Variants in STK39 observed in about 807,000 individuals in gnomAD.
The protein encoded by STK39 is STE20/SPS1-related proline-alanine-rich protein kinase.
A neutral mutation model predicts 77.8 loss-of-function variants in STK39; 20 were observed. That is an observed-to-expected ratio of 0.26 (90% CI 0.18 to 0.37). The LOEUF is 0.37. STK39 is among the 10% of genes least tolerant of loss of function. STK39 has a pLI of 1.00. For missense variants in STK39, 479 were observed against 656.5 expected, an observed-to-expected ratio of 0.73 and a Z score of 2.95; for synonymous variants, 246 against 234.1, an observed-to-expected ratio of 1.05 and a Z score of -0.47.
intron 14 of STK39, among the ~76,000 whole-genome samples, chr2:168,055,464 G>C (rs1321075887): frequency 1.3e-5 from 2 of 152,228 alleles, no homozygotes; most frequent in African/African-American, 4.8e-5. Context: ...TCCCGTGCTA[G>C]AGATCATTTT....
rs529066497 is a variant in STK39, at chr2:168,216,763, C to T, written c.208+30465G>A. Among the ~76,000 whole-genome samples, 3 of 152,356 alleles carry T rather than the reference C, an allele frequency of 2.0e-5. No homozygotes were observed. In the East Asian group the frequency reaches 5.8e-4, roughly 29 times the overall value. ...CAAGGCTAATGCCACCGCCACACCT[C>T]TTAGGCATGGATGATCTCATGAACA... On this transcript the variant is annotated intron_variant, in intron 1 of 17. Coordinates refer to ENST00000355999, the MANE Select transcript of STK39 (RefSeq NM_013233.3).
intron 14 of STK39, among the ~76,000 whole-genome samples, chr2:168,049,638 G>T (rs1489361038): frequency 6.6e-6 from 1 of 152,158 alleles, no homozygotes; most frequent in African/African-American, 2.4e-5. Flanking sequence ...TCACAGTGTT[G>T]TCAGAAGTAA....
rs80031376 is a variant in STK39, at chr2:168,211,990, T to G, written c.209-29900A>C. ...TCAAAAATGACTTACTGATCATTAT[T>G]CGTTTTAGTTCCACAGAAAGAATGA... is the stretch of plus-strand genomic sequence containing the variant. On this transcript the variant is annotated intron_variant, in intron 1 of 17. Coordinates refer to ENST00000355999, the MANE Select transcript of STK39 (RefSeq NM_013233.3). Among the ~76,000 whole-genome samples, 670 of 152,360 alleles carry G rather than the reference T, an allele frequency of 4.4e-3. 6 individuals carry two copies. The highest frequency in any genetic ancestry group is 0.015 in the African/African-American group (641 of 41,584).
chr2:167,958,016 G>A (rs1259625218), intron 17 of STK39, among the ~76,000 whole-genome samples: 1 of 152,156 alleles, frequency 6.6e-6, no homozygotes, highest in Non-Finnish European at 1.5e-5. Context: ...CTGCTACCTG[G>A]GCTCTCACTG....
chr2:168,046,829 A>C (rs1054397296), intron 14 of STK39, among the ~76,000 whole-genome samples: 3 of 152,256 alleles, frequency 2.0e-5, no homozygotes, highest in Non-Finnish European at 2.9e-5. Flanking sequence ...ATGGAAGCTT[A>C]AACCAAACTT....
chr2:168,116,940 T>C (rs865975313), intron 10 of STK39, among the ~76,000 whole-genome samples: 2 of 152,232 alleles, frequency 1.3e-5, no homozygotes, highest in Non-Finnish European at 2.9e-5. Context: ...ATTTTTGGAA[T>C]ATCTTCCTAA....
intron 5 of STK39, among the ~76,000 whole-genome samples, chr2:168,153,444 C>T (rs561066958): frequency 3.3e-5 from 5 of 152,306 alleles, no homozygotes; most frequent in Non-Finnish European, 5.9e-5. Flanking sequence ...TCTTAAAACA[C>T]AGATTGCTGG....
intron 1 of STK39, among the ~76,000 whole-genome samples, chr2:168,228,718 G>A (rs1404625411): frequency 6.6e-6 from 1 of 152,116 alleles, no homozygotes; most frequent in African/African-American, 2.4e-5. Flanking sequence ...TGAACCAGGA[G>A]GCAGAGGTTG....
intron 1 of STK39, among the ~76,000 whole-genome samples, chr2:168,188,390 A>T (rs1196790391): frequency 6.6e-6 from 1 of 152,220 alleles, no homozygotes; most frequent in African/African-American, 2.4e-5. Context: ...AAAGGCTGAA[A>T]ATCCAGAATT....
chr2:168,054,577 A>G (rs978706773), intron 14 of STK39, among the ~76,000 whole-genome samples: 16 of 152,246 alleles, frequency 1.1e-4, no homozygotes, highest in African/African-American at 1.9e-4. Flanking sequence ...GTAAAATGCC[A>G]GACATTTTTT....
chr2:168,229,047 G>C (rs1690380327), intron 1 of STK39, among the ~76,000 whole-genome samples: 1 of 152,064 alleles, frequency 6.6e-6, no homozygotes, highest in Admixed American at 6.5e-5. Flanking sequence ...TTTATGATAA[G>C]GGCTTTTACC....
intron 2 of STK39, among the ~76,000 whole-genome samples, chr2:168,178,504 C>T (rs1559134740): frequency 6.6e-6 from 1 of 152,138 alleles, no homozygotes; most frequent in Non-Finnish European, 1.5e-5. Context: ...GCCTTGTACT[C>T]TCATATACAC....
At chr2:168,185,681 T>C (rs1006942975) in intron 1 of STK39, among the ~76,000 whole-genome samples, 1 of 152,238 alleles carries the variant, frequency 6.6e-6, no homozygotes, top group African/African-American at 2.4e-5. Flanking sequence ...ACAGTGTTTA[T>C]TTTGCAAAAA....
In STK39 at chr2:168,219,300, AT is replaced by A. The variant is rs933912932; in HGVS notation, c.208+27927del. 1.4e-4 allele frequency among the ~76,000 whole-genome samples: 22 copies of A among 151,934 alleles called. No homozygotes were observed. The East Asian group carries it at 2.3e-3, about 16-fold the overall frequency. On this transcript the variant is annotated intron_variant, in intron 1 of 17. Transcript: ENST00000355999. ...GACTCTTGTTTCAAAAAAAAAAAAA[AT>A]CTTCAGATATTTTCGGTGTGTTCAG...
intron 14 of STK39, among the ~76,000 whole-genome samples, chr2:168,024,195 C>G (rs757868023): frequency 6.6e-6 from 1 of 152,190 alleles, no homozygotes; most frequent in Non-Finnish European, 1.5e-5. Context: ...TCCCAGTGAG[C>G]TGGGCAGATA....
At position 168,019,636 on chromosome 2, in the gene STK39, C is replaced by A. The variant is rs535337898; in HGVS notation, c.1377-2541G>T. On this transcript the variant is annotated intron_variant, in intron 14 of 17. Coordinates refer to ENST00000355999, the MANE Select transcript of STK39 (RefSeq NM_013233.3). ...GTGGAGTGTACCATTCACAACAGTG[C>A]CTGCAGTGGGAGGATGGTTTGTGTG... Among the ~76,000 whole-genome samples the A allele has an allele frequency of 2.6e-5, 4 of 152,266 alleles. No homozygotes were observed. The South Asian group carries it at 8.3e-4, about 32-fold the overall frequency.
intron 1 of STK39, among the ~76,000 whole-genome samples, chr2:168,184,690 G>C (rs186871079): frequency 1.3e-4 from 20 of 152,340 alleles, no homozygotes; most frequent in Admixed American, 5.9e-4. Context: ...TGCCAGTGAG[G>C]ATCCACTGGT....
intron 14 of STK39, among the ~76,000 whole-genome samples, chr2:168,022,944 G>T (rs1378130062): frequency 1.3e-5 from 2 of 152,154 alleles, no homozygotes; most frequent in Non-Finnish European, 2.9e-5. Context: ...TAGAGACAAG[G>T]TCTCACTTGG....
intron 14 of STK39, among the ~76,000 whole-genome samples, chr2:168,043,762 T>G (rs1039565119): frequency 1.3e-5 from 2 of 152,346 alleles, no homozygotes. Flanking sequence ...TTTGATCATC[T>G]CACAATTTCT....
Sources: gnomAD v4.1 joint callset for allele counts (sites outside exome capture counted in the v4.1 genomes callset) on GRCh38, gnomAD v4.1.1 for gene constraint, MANE v1.5 for transcripts, NCBI Gene and HGNC (gene_info 2026-07-23, HGNC 2026-07-21) for gene names.